Variants in SF3B3 observed in about 807,000 individuals in gnomAD.
SF3B3 encodes the protein SAP 130.
Under a neutral mutation model 139.2 loss-of-function variants are expected in SF3B3, and 33 were observed. That is an observed-to-expected ratio of 0.24 (90% CI 0.18 to 0.32). SF3B3 has a LOEUF of 0.32. Ranked by LOEUF, SF3B3 falls within the 10% of genes least tolerant of loss-of-function variation. The pLI is 1.00. For missense variants in SF3B3, 818 were observed against 1,509.4 expected (o/e 0.54, Z 7.59); for synonymous variants, 596 against 563.6 (o/e 1.06, Z -0.81).
chr16:70,541,959 T>C, intron 9 of SF3B3, 125 bp downstream of exon 9: 1 of 818,010 alleles, frequency 1.2e-6, no homozygotes, highest in Non-Finnish European at 1.8e-6. Context: ...AGGTAGAAGT[T>C]TGAGCACAAA....
At chr16:70,528,839 G>A (rs764505669) in intron 2 of SF3B3, 34 bp from the exon 3 acceptor site, 1 of 1,528,430 alleles carries the variant, frequency 6.5e-7, no homozygotes, top group Non-Finnish European at 9.0e-7. Flanking sequence ...GCTGGGTTCT[G>A]GTTGTTTATG....
At chr16:70,562,614 A>C (rs1054972199) in intron 17 of SF3B3, among the ~76,000 whole-genome samples, 1 of 152,084 alleles carries the variant, frequency 6.6e-6, no homozygotes, top group Admixed American at 6.6e-5. Context: ...CCTGCCTGTC[A>C]GTGTTCCCCT....
intron 3 of SF3B3, chr16:70,529,536 GTCTCT>G (rs1326228478): frequency 3.5e-5 from 9 of 257,762 alleles, no homozygotes; most frequent in African/African-American, 1.6e-4. Flanking sequence ...TCACATTCAT[GTCTCT>G]TCTCTGATAA....
In SF3B3 at chr16:70,572,870, C is replaced by T. The variant is rs1169133796; in HGVS notation, c.*1057C>T. 1 of 152,342 alleles carries T rather than the reference C, an allele frequency of 6.6e-6. No individual in the cohort carries two copies. Among genetic ancestry groups the T allele is most frequent in the Non-Finnish European group, 1.5e-5 (1 of 68,146 alleles). 9.4% of individuals were successfully genotyped at this position (152,342 alleles called of 1,614,324 possible). ...TCCAGCCCACCCCTGAGAATTCCTC[C>T]TGTTTAGTTGTGTGGGAAGCCCTCG... On this transcript the variant is annotated 3_prime_UTR_variant, in exon 26 of 26. Coordinates refer to ENST00000302516, the MANE Select transcript of SF3B3 (RefSeq NM_012426.5).
In SF3B3 at chr16:70,571,946, C is replaced by T; in HGVS notation, c.*133C>T. The stretch of plus-strand genomic sequence containing the variant: ...AAGACTGCATTATGAAAGTCAACAG[C>T]TCTTTCCCCTCAGCTCTTCTCCTGG... On this transcript the variant is annotated 3_prime_UTR_variant, in exon 26 of 26. Coordinates refer to ENST00000302516, the MANE Select transcript of SF3B3 (RefSeq NM_012426.5). 1 of 1,067,632 alleles carries T rather than the reference C, an allele frequency of 9.4e-7. No individual in the cohort carries two copies. Among genetic ancestry groups the T allele is most frequent in the South Asian group, 1.5e-5 (1 of 66,158 alleles). The allele number at this position is 1,067,632 out of a possible 1,614,324, so 66.1% of individuals were successfully genotyped here. A position where few individuals can be genotyped will look rare whatever the true frequency, so the allele number is the denominator to read the frequency against.
rs1416354079 is a variant in SF3B3 at position 70,577,493 on chromosome 16, C to G, written c.*5680C>G. On this transcript the variant is annotated 3_prime_UTR_variant, in exon 26 of 26. Transcript: ENST00000302516. ...GTGTGTGTGACCTGTGTGGCCACTG[C>G]CTTGGGGACGGGTGAGGAGTTAGCC... is the stretch of plus-strand genomic sequence containing the variant. 2 of 152,136 alleles carry G rather than the reference C, an allele frequency of 1.3e-5. No individual in the cohort carries two copies. Among genetic ancestry groups the G allele is most frequent in the African/African-American group, 4.8e-5 (2 of 41,410 alleles). 9.4% of individuals were successfully genotyped at this position (152,136 alleles called of 1,614,324 possible).
chr16:70,529,810 C>T (rs1042003289), intron 3 of SF3B3, among the ~76,000 whole-genome samples: 6 of 151,892 alleles, frequency 4.0e-5, no homozygotes, highest in East Asian at 3.9e-4. Flanking sequence ...GGGTCTCAGC[C>T]GGGCACGGTG....
intron 18 of SF3B3, 106 bp from the exon 19 acceptor site, chr16:70,564,959 C>T (rs2050461676): frequency 5.0e-6 from 5 of 1,005,552 alleles, no homozygotes; most frequent in African/African-American, 3.2e-5. Context: ...GACTTTGCTG[C>T]TTTATGTATT....
intron 9 of SF3B3, among the ~76,000 whole-genome samples, chr16:70,542,527 A>G (rs917508841): frequency 1.3e-5 from 2 of 152,138 alleles, no homozygotes; most frequent in African/African-American, 4.8e-5. Flanking sequence ...AGTGACCATT[A>G]GGGACCACCT....
In SF3B3 at chr16:70,575,971, CT is replaced by C. The variant is rs1343817396; in HGVS notation, c.*4161del. On this transcript the variant is annotated 3_prime_UTR_variant, in exon 26 of 26. Transcript: ENST00000302516. The stretch of plus-strand genomic sequence containing the variant: ...TGGTTCATGCCTGGTAATCCCAGCA[CT>C]TTGGGCGGCCAGAGGCAGGCAGATT... The C allele has an allele frequency of 6.6e-6, 1 of 152,222 alleles. No individual in the cohort carries two copies. Among genetic ancestry groups the C allele is most frequent in the Non-Finnish European group, 1.5e-5 (1 of 68,082 alleles). 9.4% of individuals were successfully genotyped at this position (152,222 alleles called of 1,614,324 possible).
intron 18 of SF3B3, 75 bp downstream of exon 18, chr16:70,564,125 C>G (rs770147455): frequency 2.7e-6 from 4 of 1,469,676 alleles, no homozygotes; most frequent in Non-Finnish European, 3.7e-6. Flanking sequence ...CTGCCCGGCA[C>G]TTTGGGAGGC....
chr16:70,539,279 G>A, intron 8 of SF3B3, 72 bp downstream of exon 8: 1 of 1,048,478 alleles, frequency 9.5e-7, no homozygotes, highest in South Asian at 1.3e-5. Flanking sequence ...TGGGTGCAGT[G>A]GCTCACGGCC....
At chr16:70,567,861 A>G (rs952477007) in intron 21 of SF3B3, among the ~76,000 whole-genome samples, 27 of 152,100 alleles carry the variant, frequency 1.8e-4, no homozygotes, top group African/African-American at 6.3e-4. Context: ...AATTTTTTGT[A>G]TCTTTAGTAG....
chr16:70,540,383 G>GT (rs35080326), intron 8 of SF3B3, among the ~76,000 whole-genome samples: 2 of 151,120 alleles, frequency 1.3e-5, no homozygotes, highest in African/African-American at 2.4e-5. Flanking sequence ...GCTTTTTGGG[G>GT]TTTTTTTTGG....
chr16:70,559,083 A>C (rs1223759003), intron 15 of SF3B3, among the ~76,000 whole-genome samples: 1 of 152,198 alleles, frequency 6.6e-6, no homozygotes, highest in East Asian at 1.9e-4. Context: ...TCCCACTCAC[A>C]GTGATGTTGG....
At chr16:70,524,017 C>T (rs760954329) in intron 1 of SF3B3, 89 bp downstream of exon 1, 12 of 418,866 alleles carry the variant, frequency 2.9e-5, no homozygotes, top group Admixed American at 4.1e-5. Context: ...GCGGGGGTCA[C>T]GGGCAGTCTA....
Position 70,572,329 on chromosome 16 carries a change from A to G in SF3B3, c.*516A>G, listed in dbSNP as rs183854761. 37 of 274,044 alleles carry G rather than the reference A, an allele frequency of 1.4e-4. No homozygotes were observed. The highest frequency in any genetic ancestry group is 7.1e-4 in the African/African-American group (31 of 43,748). 17.0% of individuals were successfully genotyped at this position (274,044 alleles called of 1,614,324 possible). On this transcript the variant is annotated 3_prime_UTR_variant, in exon 26 of 26. Coordinates refer to ENST00000302516, the MANE Select transcript of SF3B3 (RefSeq NM_012426.5). ...ATCCATGTGTCTTGTTCTGGAGATG[A>G]GGATGTAGGTGGGAGGTTTGAACCC... is the stretch of plus-strand genomic sequence containing the variant.
intron 3 of SF3B3, chr16:70,529,512 C>A (rs2050100470): frequency 3.2e-6 from 1 of 314,848 alleles, no homozygotes; most frequent in Non-Finnish European, 6.0e-6. Flanking sequence ...CTTTCATCAG[C>A]CTGAAGTGAT....
Position 70,549,541 on chromosome 16 carries a change from C to G in SF3B3, c.1402+1099C>G, listed in dbSNP as rs1256206470. ...TATTCATGGCCCTTGAAAGCATTGC[C>G]TAGACTGTTTGAATTAGAAACACGT... is the stretch of plus-strand genomic sequence containing the variant. On this transcript the variant is annotated intron_variant, in intron 11 of 25. Transcript: ENST00000302516. Among the ~76,000 whole-genome samples the G allele has an allele frequency of 5.9e-5, 9 of 152,188 alleles. 1 individual carries two copies. Among genetic ancestry groups the G allele is most frequent in the African/African-American group, 2.2e-4 (9 of 41,424 alleles).
Sources: gnomAD v4.1 joint callset for allele counts (sites outside exome capture counted in the v4.1 genomes callset) on GRCh38, gnomAD v4.1.1 for gene constraint, MANE v1.5 for transcripts, NCBI Gene and HGNC (gene_info 2026-07-23, HGNC 2026-07-21) for gene names.